Variants in ATG7 observed in about 807,000 individuals in gnomAD.
ATG7 encodes the protein ubiquitin-like modifier-activating enzyme ATG7.
Under a neutral mutation model 82.4 loss-of-function variants are expected in ATG7, and 70 were observed. The ratio of observed to expected loss-of-function variants is 0.85; its 90% CI spans 0.70 to 1.04. The LOEUF is 1.04. Among genes scored for constraint, ATG7 ranks in the 50% least tolerant of loss-of-function variants. The pLI, the probability that ATG7 is intolerant of heterozygous loss-of-function variation, is 0.00. For missense variants in ATG7, 792 were observed against 864.3 expected, an observed-to-expected ratio of 0.92 and a Z score of 1.05; for synonymous variants, 287 against 313.0, an observed-to-expected ratio of 0.92 and a Z score of 0.88.
chr3:11,472,718 C>T (rs1034031282), intron 20 of ATG7, among the ~76,000 whole-genome samples: 8 of 152,078 alleles, frequency 5.3e-5, no homozygotes, highest in Admixed American at 5.2e-4. Flanking sequence ...TTGGTAAATG[C>T]CTACCTCCCA....
chr3:11,310,922 G>T (rs939362636), intron 7 of ATG7, among the ~76,000 whole-genome samples: 3 of 152,166 alleles, frequency 2.0e-5, no homozygotes, highest in Admixed American at 2.0e-4. Context: ...ATGAGCCACC[G>T]CATGCAGCCT....
rs574476849 is a variant in ATG7 at position 11,477,117 on chromosome 3, A to G, written c.2079+50191A>G. On this transcript the variant is annotated intron_variant, in intron 20 of 20. Coordinates refer to ENST00000693202, the MANE Select transcript of ATG7 (RefSeq NM_001349232.2). ...TTTGGTGGTGTAATTAAAAGGGAGC[A>G]TGTTTGTACCTGCCAGCATCTTTGA... 113 of 1,289,812 alleles carry G rather than the reference A, an allele frequency of 8.8e-5. No homozygotes were observed. In the South Asian group the frequency reaches 1.4e-3, roughly 15 times the overall value. 79.9% of individuals were successfully genotyped at this position (1,289,812 alleles called of 1,614,324 possible).
At position 11,313,311 on chromosome 3, in the gene ATG7, AG is replaced by A; in HGVS notation, c.420del (p.Lys141SerfsTer34). On this transcript the variant is annotated frameshift_variant, in exon 8 of 21. Coordinates refer to ENST00000693202, the MANE Select transcript of ATG7 (RefSeq NM_001349232.2). LOFTEE classifies it high-confidence loss of function. ...KFLLLTFADL[K>X]KYHFYYWFCY... ...TTATACTTTTTTTTCTAGGATCTAA[AG>A]AAGTACCACTTCTACTATTGGTTTT... 1 of 1,598,854 alleles carries A rather than the reference AG, an allele frequency of 6.3e-7. No individual in the cohort carries two copies. The highest frequency in any genetic ancestry group is 1.1e-5 in the South Asian group (1 of 88,988).
the ATG7 span, among the ~76,000 whole-genome samples, chr3:11,565,436 T>G: frequency 2.2e-4 from 33 of 152,202 alleles, no homozygotes; most frequent in African/African-American, 7.9e-4. The surrounding 1 kb of genome is among the most constrained non-coding windows in gnomAD (Gnocchi z 4.1). Context: ...AGGGCCCTAT[T>G]CAAAGCCTCC....
intron 20 of ATG7, among the ~76,000 whole-genome samples, chr3:11,526,420 C>T (rs1444385514): frequency 6.6e-6 from 1 of 152,048 alleles, no homozygotes; most frequent in Non-Finnish European, 1.5e-5. Flanking sequence ...CCCCAGACAA[C>T]AAGAAACATA....
chr3:11,476,338 A>T (rs1161869543), intron 20 of ATG7, among the ~76,000 whole-genome samples: 3 of 152,162 alleles, frequency 2.0e-5, no homozygotes, highest in Non-Finnish European at 4.4e-5. Context: ...TAGCTGTCCT[A>T]ATGTGTTAGC....
intron 11 of ATG7, 93 bp downstream of exon 11, chr3:11,333,186 G>C: frequency 7.1e-7 from 1 of 1,399,796 alleles, no homozygotes; most frequent in Non-Finnish European, 9.4e-7. Flanking sequence ...AATGGCAGAA[G>C]AAAGGAAGAG....
In ATG7 at chr3:11,502,979, C is replaced by T. The variant is rs145708354; in HGVS notation, c.2080-51832C>T. On this transcript the variant is annotated intron_variant, in intron 20 of 20. Coordinates refer to ENST00000693202, the MANE Select transcript of ATG7 (RefSeq NM_001349232.2). ...ATACACCAGCCAGAGTTGAAAGTAG[C>T]GTGTATACCACTGAAAATATGGGAT... is the stretch of plus-strand genomic sequence containing the variant. Among the ~76,000 whole-genome samples, 529 of 152,230 alleles carry T rather than the reference C, an allele frequency of 3.5e-3. 2 individuals carry two copies. The highest frequency in any genetic ancestry group is 0.012 in the African/African-American group (504 of 41,522).
At chr3:11,311,231 G>T (rs891383198) in intron 7 of ATG7, among the ~76,000 whole-genome samples, 1 of 152,030 alleles carries the variant, frequency 6.6e-6, no homozygotes, top group African/African-American at 2.4e-5. Flanking sequence ...TTTAATGGAG[G>T]TCATTTCTAT....
At chr3:11,348,150 C>T (rs1182925270) in intron 14 of ATG7, 115 bp downstream of exon 14, 1 of 1,383,946 alleles carries the variant, frequency 7.2e-7, no homozygotes, top group Non-Finnish European at 9.8e-7. Flanking sequence ...TTTCTACCAG[C>T]CACTCGCTAT....
chr3:11,420,486 A>G (rs1342008584), intron 19 of ATG7, among the ~76,000 whole-genome samples: 1 of 152,106 alleles, frequency 6.6e-6, no homozygotes, highest in African/African-American at 2.4e-5. Flanking sequence ...GGCTCTTCCA[A>G]TTTTTATTCA....
At chr3:11,363,931 C>T (rs1354759332) in intron 17 of ATG7, among the ~76,000 whole-genome samples, 1 of 152,076 alleles carries the variant, frequency 6.6e-6, no homozygotes, top group Non-Finnish European at 1.5e-5. Flanking sequence ...TTTTGTCTTC[C>T]TCTTTGTCAT....
At chr3:11,494,794 C>T (rs943520752) in intron 20 of ATG7, among the ~76,000 whole-genome samples, 2 of 152,104 alleles carry the variant, frequency 1.3e-5, no homozygotes, top group African/African-American at 4.8e-5. Flanking sequence ...CTTGAACAGG[C>T]CAGGCATGGT....
At chr3:11,420,400 T>C (rs2081830515) in intron 19 of ATG7, among the ~76,000 whole-genome samples, 2 of 152,334 alleles carry the variant, frequency 1.3e-5, no homozygotes, top group South Asian at 2.1e-4. Context: ...TGGTCAGATA[T>C]GTAGCACTAT....
At chr3:11,400,890 A>AT (rs1208826658) in intron 19 of ATG7, among the ~76,000 whole-genome samples, 8 of 152,144 alleles carry the variant, frequency 5.3e-5, no homozygotes, top group Admixed American at 6.5e-5. Context: ...AGGGGAATGA[A>AT]TTTTTTTACC....
chr3:11,483,021 C>T (rs1207194609), intron 20 of ATG7, among the ~76,000 whole-genome samples: 1 of 151,992 alleles, frequency 6.6e-6, no homozygotes, highest in African/African-American at 2.4e-5. Context: ...GGATTCTCAA[C>T]GTTTTTCCAC....
intron 18 of ATG7, among the ~76,000 whole-genome samples, chr3:11,372,975 A>G (rs1352365153): frequency 2.0e-5 from 3 of 151,404 alleles, no homozygotes. Flanking sequence ...AAAAAATAGG[A>G]AAATGGAAGT....
intron 20 of ATG7, among the ~76,000 whole-genome samples, chr3:11,485,643 T>A (rs184097772): frequency 6.6e-6 from 1 of 152,212 alleles, no homozygotes. Context: ...TGGTAATGCC[T>A]AGGTTTTCTT....
At chr3:11,434,701 G>A (rs2083214679) in intron 20 of ATG7, among the ~76,000 whole-genome samples, 1 of 152,200 alleles carries the variant, frequency 6.6e-6, no homozygotes, top group Non-Finnish European at 1.5e-5. Flanking sequence ...ATTGGGGAAA[G>A]TTGCAATTGG....
Sources: gnomAD v4.1 joint callset for allele counts (sites outside exome capture counted in the v4.1 genomes callset) on GRCh38, gnomAD v4.1.1 for gene constraint, Gnocchi (gnomAD v3.1) non-coding constraint, MANE v1.5 for transcripts, NCBI Gene and HGNC (gene_info 2026-07-23, HGNC 2026-07-21) for gene names.